The following NEMF variants were observed in gnomAD, a reference collection of about 807,000 sequenced individuals.
NEMF encodes the protein nuclear export mediator factor.
In NEMF, 89 loss-of-function variants were observed where a neutral mutation model predicts 162.2. The ratio of observed to expected loss-of-function variants is 0.55; its 90% CI spans 0.46 to 0.65. The LOEUF (loss-of-function observed/expected upper bound fraction) is 0.65, where lower values mean the gene tolerates loss of function less well. Ranked by LOEUF, NEMF falls within the 30% of genes least tolerant of loss-of-function variation. NEMF has a pLI of 0.00. For synonymous variants in NEMF, 421 were observed against 404.5 expected (o/e 1.04, Z -0.49); for missense variants, 1,133 against 1,261.9 (o/e 0.90, Z 1.55).
intron 25 of NEMF, 115 bp downstream of exon 25, chr14:49,799,360 T>C: frequency 1.2e-6 from 1 of 821,112 alleles, no homozygotes; most frequent in South Asian, 1.9e-5. Flanking sequence ...TGCTAAATCT[T>C]GGTAAATTTA....
intron 26 of NEMF, among the ~76,000 whole-genome samples, chr14:49,793,746 G>C (rs775105426): frequency 6.6e-6 from 1 of 151,822 alleles, no homozygotes; most frequent in Non-Finnish European, 1.5e-5. Context: ...TTTTTTTTAG[G>C]ATAAATTCCT....
chr14:49,789,732 C>T (rs1350137839), intron 26 of NEMF, among the ~76,000 whole-genome samples, 159 bp from the exon 27 acceptor site: 1 of 152,190 alleles, frequency 6.6e-6, no homozygotes, highest in Non-Finnish European at 1.5e-5. Flanking sequence ...AGTTGGATAA[C>T]TGAAGTCCTC....
intron 25 of NEMF, among the ~76,000 whole-genome samples, chr14:49,797,809 A>AT (rs1227800730): frequency 1.3e-5 from 2 of 152,242 alleles, no homozygotes; most frequent in African/African-American, 4.8e-5. Flanking sequence ...TAGTCCTCAA[A>AT]TAACATCATT....
chr14:49,814,271 T>C (rs1004482542), intron 17 of NEMF, among the ~76,000 whole-genome samples: 6 of 152,014 alleles, frequency 3.9e-5, no homozygotes, highest in Non-Finnish European at 8.8e-5. Context: ...AGCTAATTTT[T>C]TTGGTATTTT....
chr14:49,818,129 C>A (rs1891811620), intron 16 of NEMF, among the ~76,000 whole-genome samples: 1 of 150,874 alleles, frequency 6.6e-6, no homozygotes, highest in Non-Finnish European at 1.5e-5. Flanking sequence ...GCACTGTCAC[C>A]CAGACTGGAG....
At chr14:49,808,440 G>A (rs755320221) in intron 18 of NEMF, among the ~76,000 whole-genome samples, 2 of 152,148 alleles carry the variant, frequency 1.3e-5, no homozygotes, top group Non-Finnish European at 2.9e-5. Context: ...CTCCCAAAGT[G>A]TTGGGATTAC....
chr14:49,838,492 T>A (rs189321736), intron 5 of NEMF, among the ~76,000 whole-genome samples: 3 of 152,196 alleles, frequency 2.0e-5, no homozygotes, highest in African/African-American at 7.2e-5. Context: ...GACATTTTTC[T>A]GTAAAAGTTA....
At chr14:49,834,073 TGAGA>T in intron 7 of NEMF, 1 of 502,762 alleles carries the variant, frequency 2.0e-6, no homozygotes, top group Admixed American at 2.6e-5. Flanking sequence ...TTTTTTTTTT[TGAGA>T]GTGGTGATAC....
chr14:49,805,734 G>A (rs528794697), intron 19 of NEMF, among the ~76,000 whole-genome samples: 8 of 152,190 alleles, frequency 5.3e-5, no homozygotes, highest in African/African-American at 1.9e-4. Flanking sequence ...GTATAATTGT[G>A]TGGATCACTC....
intron 25 of NEMF, among the ~76,000 whole-genome samples, chr14:49,797,998 C>T (rs920273454): frequency 3.9e-5 from 6 of 152,156 alleles, no homozygotes; most frequent in Non-Finnish European, 7.4e-5. Context: ...TGTAAATTAT[C>T]CCAGCATGAA....
At chr14:49,834,111 A>G (rs892284563) in intron 7 of NEMF, 16 of 568,858 alleles carry the variant, frequency 2.8e-5, no homozygotes, top group Non-Finnish European at 4.6e-5. Flanking sequence ...GTTTTTTGAG[A>G]TGGGGGTCTC....
At chr14:49,821,583 A>G (rs1594772035) in intron 16 of NEMF, among the ~76,000 whole-genome samples, 1 of 73,608 alleles carries the variant, frequency 1.4e-5, no homozygotes, top group African/African-American at 5.4e-5. Context: ...TCCGGGAGGG[A>G]GGTGGGGGGG....
intron 8 of NEMF, among the ~76,000 whole-genome samples, chr14:49,832,986 C>T (rs958496644): frequency 6.6e-6 from 1 of 152,032 alleles, no homozygotes; most frequent in African/African-American, 2.4e-5. Context: ...CTATCCTGGG[C>T]CGGGTGCAGT....
At chr14:49,790,035 C>G (rs915872289) in intron 26 of NEMF, among the ~76,000 whole-genome samples, 2 of 152,128 alleles carry the variant, frequency 1.3e-5, no homozygotes, top group Non-Finnish European at 2.9e-5. Flanking sequence ...GATTACATCC[C>G]CAAATCACTC....
intron 28 of NEMF, among the ~76,000 whole-genome samples, chr14:49,787,553 C>T (rs187040343): frequency 2.0e-3 from 301 of 152,272 alleles, no homozygotes; most frequent in African/African-American, 6.5e-3. Flanking sequence ...AGTGTCCTCA[C>T]GTGGCAAAAG....
intron 25 of NEMF, 99 bp downstream of exon 25, chr14:49,799,372 TGAAG>T: frequency 1.3e-6 from 1 of 790,344 alleles, no homozygotes; most frequent in Non-Finnish European, 1.8e-6. Context: ...GTAAATTTAA[TGAAG>T]GAAGTCTTTA....
In NEMF at chr14:49,828,756, G is replaced by T; in HGVS notation, c.1284C>A (p.Val428=). The change falls in exon 14 of 33, where the codon GTC becomes GTA. Residue 428 remains valine, a synonymous_variant. Transcript: ENST00000298310. ...GTTCAGTTTCATTTTTCTCAACATT[G>T]ACGTCACCATCAACATCATCATCTT... The part of the protein sequence containing the change: ...EEEDDDVDGD[V]NVEKNETEPP... The T allele has an allele frequency of 6.4e-7, 1 of 1,570,282 alleles. No homozygotes were observed. The highest frequency in any genetic ancestry group is 1.1e-5 in the South Asian group (1 of 86,974).
intron 8 of NEMF, among the ~76,000 whole-genome samples, chr14:49,832,850 G>T (rs1892711522): frequency 6.6e-6 from 1 of 152,104 alleles, no homozygotes; most frequent in South Asian, 2.1e-4. Context: ...TTCTCTATCT[G>T]AAACTAAAGA....
intron 17 of NEMF, 89 bp from the exon 18 acceptor site, chr14:49,814,139 G>A (rs577379301): frequency 1.1e-4 from 84 of 784,696 alleles, no homozygotes; most frequent in African/African-American, 7.6e-4. Flanking sequence ...TCGCTCTGTC[G>A]CCCAGGCTGG....
Sources: allele counts gnomAD v4.1 joint callset (sites outside exome capture counted in the v4.1 genomes callset), GRCh38; gene constraint gnomAD v4.1.1; transcripts MANE v1.5; gene names NCBI Gene and HGNC (gene_info 2026-07-23, HGNC 2026-07-21).